The following SMARCA5 variants were observed in gnomAD, a reference collection of about 807,000 sequenced individuals.
The protein encoded by SMARCA5 is SWI/SNF-related matrix-associated actin-dependent regulator of chromatin subfamily A member 5.
A neutral mutation model predicts 140.4 loss-of-function variants in SMARCA5; 18 were observed. The ratio of observed to expected loss-of-function variants is 0.13; its 90% CI spans 0.09 to 0.19. SMARCA5 has a LOEUF of 0.19. Ranked by LOEUF, SMARCA5 falls within the 10% of genes least tolerant of loss-of-function variation. The pLI, the probability that SMARCA5 is intolerant of heterozygous loss-of-function variation, is 1.00. For missense variants in SMARCA5, 606 were observed against 1,276.8 expected (o/e 0.47, Z 8.01); for synonymous variants, 449 against 419.6 (o/e 1.07, Z -0.86).
At chr4:143,548,330 T>A (rs1011112916) in intron 22 of SMARCA5, 190 bp downstream of exon 22, 7 of 420,694 alleles carry the variant, frequency 1.7e-5, no homozygotes, top group Non-Finnish European at 2.5e-5. Flanking sequence ...CTTACGTCTT[T>A]AAATATCACT....
intron 2 of SMARCA5, among the ~76,000 whole-genome samples, chr4:143,520,744 A>T (rs1460610486): frequency 6.6e-6 from 1 of 151,992 alleles, no homozygotes; most frequent in Non-Finnish European, 1.5e-5. Context: ...AGGCTGCCTA[A>T]TGGCTCCCAA....
At chr4:143,550,428 C>T (rs1349729058) in intron 23 of SMARCA5, among the ~76,000 whole-genome samples, 2 of 151,954 alleles carry the variant, frequency 1.3e-5, no homozygotes, top group East Asian at 1.9e-4. Flanking sequence ...TTATCACCTC[C>T]AGCATTTATC....
intron 9 of SMARCA5, among the ~76,000 whole-genome samples, chr4:143,532,382 A>G (rs1737206877): frequency 6.6e-6 from 1 of 152,148 alleles, no homozygotes; most frequent in Non-Finnish European, 1.5e-5. Context: ...TTCCTTTAGT[A>G]AATACGTAGG....
chr4:143,520,807 C>G (rs974687190), intron 2 of SMARCA5, among the ~76,000 whole-genome samples: 16 of 150,996 alleles, frequency 1.1e-4, no homozygotes, highest in African/African-American at 3.4e-4. Context: ...TTTTTTTTGC[C>G]CAAGTAAATT....
In SMARCA5 at chr4:143,531,490, A is replaced by G. The variant is rs76661465; in HGVS notation, c.1158+964A>G. Among the ~76,000 whole-genome samples the G allele has an allele frequency of 7.6e-3, 1,157 of 152,290 alleles. 36 individuals carry two copies. In the East Asian group the frequency reaches 0.083, roughly 11 times the overall value. ...CCTCTTTTGACATTTTGGTCTGGGT[A>G]TATCTGAGAGGGGTAAGGAGAGAGG... On this transcript the variant is annotated intron_variant, in intron 9 of 23. Transcript: ENST00000283131.
chr4:143,529,747 GTTTT>G (rs542422011), intron 8 of SMARCA5, among the ~76,000 whole-genome samples: 1 of 151,488 alleles, frequency 6.6e-6, no homozygotes, highest in Non-Finnish European at 1.5e-5. Flanking sequence ...AATTAATTTT[GTTTT>G]TTTTCTGTTG....
chr4:143,528,106 A>C, intron 7 of SMARCA5, 83 bp downstream of exon 7: 1 of 1,043,698 alleles, frequency 9.6e-7, no homozygotes. Flanking sequence ...ACTTTAAGTT[A>C]TGAGATACAT....
intron 10 of SMARCA5, 77 bp downstream of exon 10, chr4:143,535,041 G>T (rs1737275448): frequency 3.0e-6 from 3 of 1,010,206 alleles, no homozygotes; most frequent in Non-Finnish European, 4.3e-6. Context: ...TTCCTAATTT[G>T]TGTCTTCATG....
At position 143,531,196 on chromosome 4, in the gene SMARCA5, T is replaced by C. The variant is rs554920210; in HGVS notation, c.1158+670T>C. On this transcript the variant is annotated intron_variant, in intron 9 of 23. Coordinates refer to ENST00000283131, the MANE Select transcript of SMARCA5 (RefSeq NM_003601.4). ...CTAACAGGTTCACTTTTGAAAGGGC[T>C]AAAGATCCATCTGTTTTTTCTTAAA... Among the ~76,000 whole-genome samples, 3 of 152,372 alleles carry C rather than the reference T, an allele frequency of 2.0e-5. No homozygotes were observed. The East Asian group carries it at 5.8e-4, about 29-fold the overall frequency.
rs553049246 is a variant in SMARCA5 at position 143,521,414 on chromosome 4, AT to A, written c.253-4del. On this transcript the variant is annotated splice_polypyrimidine_tract_variant and intron_variant, in intron 2 of 23. Transcript: ENST00000283131. ...GATACTCTGATAAAATGTATCTTAA[AT>A]TTTTTTTTTTCAGCAAACTGACCGG... 3.2e-3 allele frequency: 4,001 copies of A among 1,267,036 alleles called. No homozygotes were observed. The highest frequency in any genetic ancestry group is 4.9e-3 in the South Asian group (338 of 68,578). 78.5% of individuals were successfully genotyped at this position (1,267,036 alleles called of 1,614,324 possible).
chr4:143,518,204 T>A (rs951418236), intron 2 of SMARCA5, among the ~76,000 whole-genome samples: 13 of 152,164 alleles, frequency 8.5e-5, no homozygotes, highest in Non-Finnish European at 1.5e-4. Context: ...CAAGTCCCAG[T>A]TCACGTTCCG....
rs190685045 is a variant in SMARCA5, at chr4:143,528,978, A to G, written c.1089+264A>G. On this transcript the variant is annotated intron_variant, in intron 8 of 23. Transcript: ENST00000283131. ...GAGACGTAGTCTCACTCTGTCACCT[A>G]TGCTGAAGTGCAGTGGTGTGATCTT... 1.4e-3 allele frequency among the ~76,000 whole-genome samples: 215 copies of G among 152,206 alleles called. 1 individual carries two copies. The highest frequency in any genetic ancestry group is 4.9e-3 in the African/African-American group (202 of 41,516).
Position 143,513,928 on chromosome 4 carries a change from T to C in SMARCA5, c.4T>C (p.Ser2Pro). ...CGGGTGACGCAGACGGAACATCATG[T>C]CGTCCGCGGCCGAGCCTCCGCCACC... Reference protein sequence around the residue: MSSAAEPPPPPP... With the variant: MPSAAEPPPPPP... The change falls in exon 1 of 24, where the codon TCG becomes CCG. Residue 2 changes from serine (S) to proline (P), a missense_variant. Coordinates refer to ENST00000283131, the MANE Select transcript of SMARCA5 (RefSeq NM_003601.4). 6.5e-7 allele frequency: 1 copy of C among 1,543,242 alleles called. No individual in the cohort carries two copies. The highest frequency in any genetic ancestry group is 8.7e-7 in the Non-Finnish European group (1 of 1,151,412).
At chr4:143,523,675 A>C (rs749100065) in intron 3 of SMARCA5, among the ~76,000 whole-genome samples, 9 of 152,194 alleles carry the variant, frequency 5.9e-5, no homozygotes, top group Non-Finnish European at 1.3e-4. Flanking sequence ...TTTAGCAAGC[A>C]TGTGGTTTTG....
At position 143,540,408 on chromosome 4, in the gene SMARCA5, C is replaced by T. The variant is rs1453790438; in HGVS notation, c.1816C>T (p.Arg606Cys). The T allele has an allele frequency of 1.9e-6, 3 of 1,611,482 alleles. No individual in the cohort carries two copies. The highest frequency in any genetic ancestry group is 2.5e-6 in the Non-Finnish European group (3 of 1,178,050). Residue 606 changes from arginine (R) to cysteine (C), a missense_variant, in exon 14 of 24, where the codon CGC becomes TGC. Coordinates refer to ENST00000283131, the MANE Select transcript of SMARCA5 (RefSeq NM_003601.4). ...IGQTKTVRVF[R>C]FITDNTVEER... ...GCAGACTAAGACAGTCAGAGTGTTCCGCTTTATAACTGATAACACTGTAGA... is the reference window on the plus strand; with the variant it reads ...GCAGACTAAGACAGTCAGAGTGTTCTGCTTTATAACTGATAACACTGTAGA...
At chr4:143,535,058 C>A in intron 10 of SMARCA5, 94 bp downstream of exon 10, 2 of 849,556 alleles carry the variant, frequency 2.4e-6, no homozygotes, top group Non-Finnish European at 3.6e-6. Flanking sequence ...CATGGAATTC[C>A]AATTTGCTGG....
chr4:143,517,951 A>C (rs1355389578), intron 2 of SMARCA5, among the ~76,000 whole-genome samples: 1 of 152,158 alleles, frequency 6.6e-6, no homozygotes, highest in Non-Finnish European at 1.5e-5. Flanking sequence ...AGCCAAATGG[A>C]AGTATTATAT....
At chr4:143,526,722 G>A (rs1296358949) in intron 6 of SMARCA5, among the ~76,000 whole-genome samples, 2 of 152,082 alleles carry the variant, frequency 1.3e-5, no homozygotes, top group Non-Finnish European at 2.9e-5. Flanking sequence ...TTAGCTGGGT[G>A]TGGTGGCACG....
rs1441459311 is a variant in SMARCA5 at position 143,543,628 on chromosome 4, G to A, written c.2023G>A (p.Asp675Asn). 1 of 1,613,036 alleles carries A rather than the reference G, an allele frequency of 6.2e-7. No individual in the cohort carries two copies. Among genetic ancestry groups the A allele is most frequent in the Non-Finnish European group, 8.5e-7 (1 of 1,179,426 alleles). The part of the protein sequence containing the change: ...KESEITDEDI[D>N]GILERGAKKT... ...AAGTGAGATCACTGATGAAGATATCGATGGTATTTTGGAAAGAGGTGCAAA... is the reference window on the plus strand; with the variant it reads ...AAGTGAGATCACTGATGAAGATATCAATGGTATTTTGGAAAGAGGTGCAAA... The change falls in exon 15 of 24, where the codon GAT becomes AAT. Residue 675 changes from aspartate (D) to asparagine (N), a missense_variant. Coordinates refer to ENST00000283131, the MANE Select transcript of SMARCA5 (RefSeq NM_003601.4).
Sources: gnomAD v4.1 joint callset for allele counts (sites outside exome capture counted in the v4.1 genomes callset) on GRCh38, gnomAD v4.1.1 for gene constraint, MANE v1.5 for transcripts, NCBI Gene and HGNC (gene_info 2026-07-23, HGNC 2026-07-21) for gene names.